TBC1D5: variants seen among roughly 807,000 people sequenced by gnomAD.
The protein encoded by TBC1D5 is TBC1 domain family member 5.
In TBC1D5, 75 loss-of-function variants were observed where a neutral mutation model predicts 100.3. That is an observed-to-expected ratio of 0.75 (90% CI 0.62 to 0.91). The LOEUF is 0.91. Among genes scored for constraint, TBC1D5 ranks in the 40% least tolerant of loss-of-function variants. TBC1D5 has a pLI of 0.00. For missense variants in TBC1D5, 910 were observed against 942.4 expected (o/e 0.97, Z 0.45); for synonymous variants, 323 against 325.6 (o/e 0.99, Z 0.09).
chr3:17,286,597 G>T (rs1221314420), intron 15 of TBC1D5, among the ~76,000 whole-genome samples: 1 of 152,168 alleles, frequency 6.6e-6, no homozygotes, highest in African/African-American at 2.4e-5. Context: ...TTTACCATGT[G>T]CAGACTATAG....
At chr3:17,549,358 A>G (rs1359851170) in intron 2 of TBC1D5, among the ~76,000 whole-genome samples, 1 of 152,200 alleles carries the variant, frequency 6.6e-6, no homozygotes, top group South Asian at 2.1e-4. Flanking sequence ...TCTATATCTT[A>G]TTTGTACTAT....
intron 1 of TBC1D5, among the ~76,000 whole-genome samples, chr3:17,646,254 A>C (rs2153706403): frequency 6.6e-6 from 1 of 152,284 alleles, no homozygotes; most frequent in Non-Finnish European, 1.5e-5. Flanking sequence ...AGTAGCTGGA[A>C]AAATCAGAAA....
chr3:17,708,505 C>T (rs1303059588), intron 1 of TBC1D5, among the ~76,000 whole-genome samples: 1 of 152,100 alleles, frequency 6.6e-6, no homozygotes, highest in African/African-American at 2.4e-5. Flanking sequence ...ATATGTTGGG[C>T]CAGATAATTC....
intron 13 of TBC1D5, among the ~76,000 whole-genome samples, chr3:17,352,700 C>CA (rs775599051): frequency 1.0e-5 from 1 of 96,504 alleles, no homozygotes; most frequent in African/African-American, 3.6e-5. Context: ...AAAAAAAAAA[C>CA]AAAAAAACCT....
chr3:17,422,647 G>A (rs2094239557), intron 4 of TBC1D5, among the ~76,000 whole-genome samples: 1 of 151,964 alleles, frequency 6.6e-6, no homozygotes, highest in Admixed American at 6.6e-5. Flanking sequence ...CTGTTTCATT[G>A]TTATTTCTAT....
intron 15 of TBC1D5, among the ~76,000 whole-genome samples, chr3:17,270,683 T>C (rs1369596698): frequency 6.6e-6 from 1 of 152,190 alleles, no homozygotes; most frequent in Non-Finnish European, 1.5e-5. Context: ...CCATAAATTA[T>C]CTGCCAAGGC....
intron 2 of TBC1D5, among the ~76,000 whole-genome samples, chr3:17,608,438 G>C (rs1230847573): frequency 6.6e-6 from 1 of 152,138 alleles, no homozygotes; most frequent in African/African-American, 2.4e-5. Context: ...TACCCAAGAG[G>C]ATCTATAGGC....
At chr3:17,585,409 CATGATT>C (rs1373762200) in intron 2 of TBC1D5, among the ~76,000 whole-genome samples, 1 of 152,148 alleles carries the variant, frequency 6.6e-6, no homozygotes, top group Non-Finnish European at 1.5e-5. Context: ...ACTAAAAAGA[CATGATT>C]ATATCAAAAA....
intron 1 of TBC1D5, among the ~76,000 whole-genome samples, chr3:17,674,184 T>G (rs1334830717): frequency 6.6e-6 from 1 of 152,214 alleles, no homozygotes; most frequent in East Asian, 1.9e-4. Flanking sequence ...GTACAAGTTT[T>G]TCCATCTTGT....
chr3:17,263,103 C>T (rs1240698559), intron 15 of TBC1D5, among the ~76,000 whole-genome samples: 8 of 150,604 alleles, frequency 5.3e-5, no homozygotes, highest in Admixed American at 4.6e-4. Flanking sequence ...GTGGTACATG[C>T]TGCTGAGGCA....
intron 5 of TBC1D5, 51 bp downstream of exon 5, chr3:17,406,367 A>T (rs754855758): frequency 6.7e-7 from 1 of 1,503,038 alleles, no homozygotes; most frequent in East Asian, 2.3e-5. Context: ...GCATCAGGTA[A>T]TGTGTTGATA....
intron 1 of TBC1D5, chr3:17,706,156 G>C: frequency 6.3e-7 from 1 of 1,583,208 alleles, no homozygotes; most frequent in East Asian, 2.3e-5. Flanking sequence ...CAGTTGATGG[G>C]GGAGACATCG....
rs11294217 is a variant in TBC1D5 at position 17,544,650 on chromosome 3, G to GAAAAAAAA, written c.-35-36053_-35-36046dup. On this transcript the variant is annotated intron_variant, in intron 2 of 21. Transcript: ENST00000253692. ...TGGGCGACAAAGTGAGACTCCGTCT[G>GAAAAAAAA]AAAAAAAAAAAAAAAAAGCACCTTA... Among the ~76,000 whole-genome samples, 7 of 86,262 alleles carry GAAAAAAAA rather than the reference G, an allele frequency of 8.1e-5. 1 individual carries two copies. The highest frequency in any genetic ancestry group is 7.7e-4 in the South Asian group (2 of 2,590). The allele number at this position is 86,262 out of a possible 152,430, so 56.6% of individuals were successfully genotyped here.
intron 2 of TBC1D5, among the ~76,000 whole-genome samples, chr3:17,544,542 T>G (rs1416754868): frequency 6.6e-6 from 1 of 151,084 alleles, no homozygotes; most frequent in Non-Finnish European, 1.5e-5. Flanking sequence ...TCCCAGCTAC[T>G]CAGGAGACTG....
intron 17 of TBC1D5, among the ~76,000 whole-genome samples, chr3:17,222,425 G>A (rs987842564): frequency 1.1e-4 from 17 of 152,208 alleles, no homozygotes; most frequent in African/African-American, 1.7e-4. Context: ...ATTTGGGAGC[G>A]GGGAGGGTAG....
At chr3:17,467,391 C>A (rs1223013425) in intron 3 of TBC1D5, among the ~76,000 whole-genome samples, 1 of 150,268 alleles carries the variant, frequency 6.7e-6, no homozygotes, top group African/African-American at 2.5e-5. Flanking sequence ...ATGTTTCTTA[C>A]CCATTTGCAA....
intron 4 of TBC1D5, among the ~76,000 whole-genome samples, chr3:17,417,997 T>C (rs554028646): frequency 6.6e-6 from 1 of 152,286 alleles, no homozygotes; most frequent in African/African-American, 2.4e-5. Context: ...TCTGAAAAGG[T>C]AGCCTGGAAG....
At chr3:17,392,808 A>G (rs2093391986) in intron 8 of TBC1D5, among the ~76,000 whole-genome samples, 3 of 152,190 alleles carry the variant, frequency 2.0e-5, no homozygotes, top group Admixed American at 1.3e-4. Flanking sequence ...TATTGTGAAC[A>G]GTGCTGCAAT....
intron 1 of TBC1D5, among the ~76,000 whole-genome samples, chr3:17,677,848 G>T (rs943828406): frequency 3.3e-5 from 5 of 152,144 alleles, no homozygotes; most frequent in Non-Finnish European, 7.4e-5. Flanking sequence ...CCTTTGTAGG[G>T]ACATGGATGA....
Sources: allele counts gnomAD v4.1 joint callset (sites outside exome capture counted in the v4.1 genomes callset), GRCh38; gene constraint gnomAD v4.1.1; transcripts MANE v1.5; gene names NCBI Gene and HGNC (gene_info 2026-07-23, HGNC 2026-07-21).